Variants in RBMS3 observed in about 807,000 individuals in gnomAD.
RBMS3 encodes the protein RNA binding motif single stranded interacting protein 3, also known as RNA-binding motif, single-stranded-interacting protein 3.
A neutral mutation model predicts 66.8 loss-of-function variants in RBMS3; 27 were observed. That is an observed-to-expected ratio of 0.40 (90% confidence interval 0.30 to 0.56). The LOEUF (loss-of-function observed/expected upper bound fraction) is 0.56. Among genes scored for constraint, RBMS3 ranks in the 20% least tolerant of loss-of-function variants. The probability of loss-of-function intolerance (pLI) is 0.40; values close to 1 mark genes in which losing one functional copy is unlikely to be tolerated. For missense variants in RBMS3, 513 were observed against 549.5 expected (o/e 0.93, Z 0.66); for synonymous variants, 188 against 183.0 (o/e 1.03, Z -0.22).
At chr3:29,970,977 G>A (rs79481742) in intron 12 of RBMS3, among the ~76,000 whole-genome samples, 3,757 of 152,042 alleles carry the variant, frequency 0.025, 70 homozygotes, top group Non-Finnish European at 0.041. Flanking sequence ...CCGTCTTCCC[G>A]CCAGCTTCTT....
intron 1 of RBMS3, among the ~76,000 whole-genome samples, chr3:29,288,281 A>G (rs1030906582): frequency 2.6e-5 from 4 of 151,966 alleles, no homozygotes; most frequent in African/African-American, 9.7e-5. Flanking sequence ...TTTTGTTCCC[A>G]GATGCTTTCC....
intron 10 of RBMS3, among the ~76,000 whole-genome samples, chr3:29,906,151 C>T (rs2060373645): frequency 6.6e-6 from 1 of 152,034 alleles, no homozygotes; most frequent in African/African-American, 2.4e-5. Context: ...CATATGTATT[C>T]TATACATTGC....
At chr3:29,435,896 A>AT (rs1559359754) in intron 2 of RBMS3, among the ~76,000 whole-genome samples, 2 of 151,218 alleles carry the variant, frequency 1.3e-5, no homozygotes, top group African/African-American at 4.9e-5. Context: ...AATGGCGTGA[A>AT]CCAGGAGGCG....
At chr3:29,726,590 G>C (rs780835944) in intron 4 of RBMS3, among the ~76,000 whole-genome samples, 3 of 152,060 alleles carry the variant, frequency 2.0e-5, no homozygotes, top group Non-Finnish European at 2.9e-5. Context: ...CAAATCGTGA[G>C]GGAACTCCCA....
intron 3 of RBMS3, among the ~76,000 whole-genome samples, chr3:29,574,296 T>G (rs2047039542): frequency 6.6e-6 from 1 of 152,102 alleles, no homozygotes; most frequent in South Asian, 2.1e-4. Flanking sequence ...GATTGACCCC[T>G]TTATCATTAT....
chr3:29,900,603 C>G (rs2060229327), intron 10 of RBMS3, among the ~76,000 whole-genome samples: 1 of 151,586 alleles, frequency 6.6e-6, no homozygotes, highest in Admixed American at 6.6e-5. Flanking sequence ...GGGGAAAGAG[C>G]CCTAGACTGG....
chr3:29,626,839 G>C (rs1405343428), intron 4 of RBMS3, among the ~76,000 whole-genome samples: 3 of 152,138 alleles, frequency 2.0e-5, no homozygotes, highest in Admixed American at 6.6e-5. Flanking sequence ...AATCACTGAT[G>C]ATGTTACTTA....
At chr3:29,613,471 T>A (rs2048559810) in intron 4 of RBMS3, among the ~76,000 whole-genome samples, 1 of 152,150 alleles carries the variant, frequency 6.6e-6, no homozygotes, top group Non-Finnish European at 1.5e-5. Context: ...ATAATTACAT[T>A]TCCTACTAAT....
chr3:29,980,990 G>T (rs1406908104), intron 12 of RBMS3, among the ~76,000 whole-genome samples: 1 of 152,148 alleles, frequency 6.6e-6, no homozygotes, highest in East Asian at 1.9e-4. Context: ...AGCTTAATGG[G>T]AATAGCATTG....
At chr3:29,421,656 T>C (rs1054889152) in intron 1 of RBMS3, among the ~76,000 whole-genome samples, 2 of 152,208 alleles carry the variant, frequency 1.3e-5, no homozygotes, top group African/African-American at 4.8e-5. Context: ...TATATTTGTC[T>C]TAAAAAATTC....
chr3:29,808,135 T>A (rs756424619), intron 6 of RBMS3, among the ~76,000 whole-genome samples: 22 of 151,950 alleles, frequency 1.4e-4, no homozygotes, highest in Non-Finnish European at 2.4e-4. Flanking sequence ...GTTATCACCA[T>A]GCTTCAGGAT....
chr3:29,594,065 T>C (rs1225871350), intron 4 of RBMS3, among the ~76,000 whole-genome samples: 4 of 152,162 alleles, frequency 2.6e-5, no homozygotes, highest in African/African-American at 9.7e-5. Context: ...ACTATACTTA[T>C]ATTTAAGCAA....
At chr3:29,793,671 C>T (rs1166246994) in intron 6 of RBMS3, among the ~76,000 whole-genome samples, 1 of 152,204 alleles carries the variant, frequency 6.6e-6, no homozygotes, top group Non-Finnish European at 1.5e-5. Flanking sequence ...AGCTGGTAAT[C>T]AGATGAGAAT....
At position 29,609,670 on chromosome 3, in the gene RBMS3, G is replaced by T. The variant is rs188632771; in HGVS notation, c.399+22465G>T. 2.0e-3 allele frequency among the ~76,000 whole-genome samples: 306 copies of T among 152,150 alleles called. 1 individual carries two copies. The highest frequency in any genetic ancestry group is 3.5e-3 in the Non-Finnish European group (241 of 67,972). ...TTGTTGCCTCTGTGCCTGGCAAAAGGCCTGATACATGGTAGATGCTGAGTA... is the reference window on the plus strand; with the variant it reads ...TTGTTGCCTCTGTGCCTGGCAAAAGTCCTGATACATGGTAGATGCTGAGTA... On this transcript the variant is annotated intron_variant, in intron 4 of 14. Coordinates refer to ENST00000383767, the MANE Select transcript of RBMS3 (RefSeq NM_001003793.3).
intron 13 of RBMS3, among the ~76,000 whole-genome samples, chr3:29,990,409 C>G (rs2149800170): frequency 7.0e-6 from 1 of 143,000 alleles, no homozygotes; most frequent in Middle Eastern, 3.6e-3. Context: ...AAAATATATT[C>G]CTGATTGTGA....
At chr3:29,643,766 A>G (rs1043165393) in intron 4 of RBMS3, among the ~76,000 whole-genome samples, 1 of 152,094 alleles carries the variant, frequency 6.6e-6, no homozygotes, top group African/African-American at 2.4e-5. Flanking sequence ...CAGTTAATGG[A>G]TATTTAGTTC....
chr3:29,305,792 T>A (rs1382619077), intron 1 of RBMS3, among the ~76,000 whole-genome samples: 1 of 152,042 alleles, frequency 6.6e-6, no homozygotes, highest in Non-Finnish European at 1.5e-5. Flanking sequence ...CTGATGATAC[T>A]TATGCACATG....
chr3:29,424,211 A>T (rs993670617), intron 1 of RBMS3, among the ~76,000 whole-genome samples: 1 of 152,222 alleles, frequency 6.6e-6, no homozygotes, highest in Non-Finnish European at 1.5e-5. Flanking sequence ...GTGATCCTTG[A>T]GGAATATGTG....
chr3:29,347,517 A>G (rs754475095), intron 1 of RBMS3, among the ~76,000 whole-genome samples: 1 of 152,210 alleles, frequency 6.6e-6, no homozygotes, highest in Non-Finnish European at 1.5e-5. Context: ...TGAAGTTATT[A>G]TCTATGGGTG....
Sources: gnomAD v4.1 joint callset for allele counts (sites outside exome capture counted in the v4.1 genomes callset) on GRCh38, gnomAD v4.1.1 for gene constraint, MANE v1.5 for transcripts, NCBI Gene and HGNC (gene_info 2026-07-23, HGNC 2026-07-21) for gene names.